LYZL1: variants seen among roughly 807,000 people sequenced by gnomAD.
LYZL1 encodes the protein lysozyme like 1, also known as lysozyme-like protein 1.
Under a neutral mutation model 17.9 loss-of-function variants are expected in LYZL1, and 16 were observed. The ratio of observed to expected loss-of-function variants is 0.90; its 90% confidence interval spans 0.61 to 1.36. The LOEUF (loss-of-function observed/expected upper bound fraction) is 1.36, where lower values mean the gene tolerates loss of function less well. Among genes scored for constraint, LYZL1 ranks in the 40% most tolerant of loss-of-function variants. The pLI, the probability that LYZL1 is intolerant of heterozygous loss-of-function variation, is 0.00. For missense variants in LYZL1, 149 were observed against 188.4 expected (o/e 0.79, Z 1.22); for synonymous variants, 58 against 71.8 (o/e 0.81, Z 0.97).
At chr10:29,299,261 T>C (rs1835485816) in intron 3 of LYZL1, among the ~76,000 whole-genome samples, 1 of 152,202 alleles carries the variant, frequency 6.6e-6, no homozygotes, top group African/African-American at 2.4e-5. Context: ...TGTGACTTGG[T>C]TCCTAACAGA....
chr10:29,289,424 T>C (rs1197794650), intron 1 of LYZL1, among the ~76,000 whole-genome samples, 194 bp downstream of exon 1: 2 of 149,556 alleles, frequency 1.3e-5, no homozygotes, highest in Admixed American at 1.3e-4. Context: ...TTTCTTTTTT[T>C]TTTTTTTTTT....
rs1336153815 is a variant in LYZL1, at chr10:29,306,419, G to A, written c.299-3691G>A. Among the ~76,000 whole-genome samples, 55 of 145,818 alleles carry A rather than the reference G, an allele frequency of 3.8e-4. 2 individuals are homozygous for A. Among genetic ancestry groups the A allele is most frequent in the Admixed American group, 1.2e-3 (18 of 14,664 alleles). ...CAAAAAATTAGCCGGGCGTAGTGGC[G>A]GGCGCCTGTAGTCCCAGCTACTCGG... On this transcript the variant is annotated intron_variant, in intron 3 of 4. Transcript: ENST00000649382.
At chr10:29,313,055 C>T (rs571012410), downstream of LYZL1, among the ~76,000 whole-genome samples, 2 of 152,202 alleles carry the variant, frequency 1.3e-5, no homozygotes, top group East Asian at 1.9e-4. Context: ...TCCTTTCCTG[C>T]CCACCGGCTT....
chr10:29,302,050 A>G (rs1444399209), intron 3 of LYZL1, among the ~76,000 whole-genome samples: 1 of 152,224 alleles, frequency 6.6e-6, no homozygotes, highest in East Asian at 1.9e-4. Context: ...CCTTGACATA[A>G]GTAAGCATGT....
At chr10:29,315,988 C>A (rs1054457978), downstream of LYZL1, among the ~76,000 whole-genome samples, 4 of 152,162 alleles carry the variant, frequency 2.6e-5, no homozygotes, top group Non-Finnish European at 2.9e-5. Context: ...TTGAAGGGTC[C>A]GACTGCTTGA....
At chr10:29,309,502 A>ATT (rs200589364) in intron 3 of LYZL1, among the ~76,000 whole-genome samples, 2 of 151,146 alleles carry the variant, frequency 1.3e-5, no homozygotes, top group African/African-American at 2.4e-5. Flanking sequence ...CTTATGTGCC[A>ATT]TTTTTTTTTC....
At chr10:29,299,123 A>G (rs1835483827) in intron 3 of LYZL1, among the ~76,000 whole-genome samples, 1 of 152,158 alleles carries the variant, frequency 6.6e-6, no homozygotes, top group Admixed American at 6.6e-5. Context: ...TCGCACTCCT[A>G]TGAGAATCTA....
intron 1 of LYZL1, among the ~76,000 whole-genome samples, chr10:29,290,073 G>A (rs1335143646): frequency 6.6e-6 from 1 of 152,110 alleles, no homozygotes; most frequent in Non-Finnish European, 1.5e-5. Context: ...TGGTGCGGTG[G>A]CCTTGCTGAT....
chr10:29,301,644 A>G (rs1182641476), intron 3 of LYZL1, among the ~76,000 whole-genome samples: 1 of 152,120 alleles, frequency 6.6e-6, no homozygotes, highest in African/African-American at 2.4e-5. Flanking sequence ...CAGCAATTTG[A>G]TTATGTGTGA....
chr10:29,315,767 T>C (rs1835722970), downstream of LYZL1, among the ~76,000 whole-genome samples: 2 of 151,634 alleles, frequency 1.3e-5, no homozygotes, highest in African/African-American at 4.9e-5. Context: ...GAGGATCACT[T>C]GAGCCTTGAA....
Position 29,292,098 on chromosome 10 carries a change from A to G in LYZL1, c.139+92A>G, listed in dbSNP as rs74131316. The G allele has an allele frequency of 1.3e-3, 2,007 of 1,526,514 alleles. 21 individuals are homozygous for G. In the African/African-American group the frequency reaches 0.025, roughly 19 times the overall value. 94.6% of individuals were successfully genotyped at this position (1,526,514 alleles called of 1,614,324 possible). A position where few individuals can be genotyped will look rare whatever the true frequency, so the allele number is the denominator to read the frequency against. ...GCCACACTCCCTGCTGTGTCTTCCC[A>G]ACTACCCCTGCTCTGCCCTCACCGC... On this transcript the variant is annotated intron_variant, in intron 2 of 4. Transcript: ENST00000649382.
At chr10:29,309,899 G>C (rs1588664009) in intron 3 of LYZL1, among the ~76,000 whole-genome samples, 1 of 152,148 alleles carries the variant, frequency 6.6e-6, no homozygotes, top group Non-Finnish European at 1.5e-5. Context: ...GAAACATCAG[G>C]TAGTGCAAGA....
chr10:29,289,783 G>A (rs1191370227), intron 1 of LYZL1, among the ~76,000 whole-genome samples: 11 of 152,054 alleles, frequency 7.2e-5, no homozygotes, highest in East Asian at 1.9e-4. Context: ...TGTACACAGC[G>A]GACTGGCATG....
downstream of LYZL1, among the ~76,000 whole-genome samples, chr10:29,314,084 C>G (rs1407582794): frequency 6.6e-6 from 1 of 152,184 alleles, no homozygotes; most frequent in African/African-American, 2.4e-5. Context: ...CATTTCCCCT[C>G]AGGTGTCCTT....
At position 29,292,634 on chromosome 10, in the gene LYZL1, C is replaced by T. The variant is rs756614106; in HGVS notation, c.255C>T (p.Arg85=). The T allele has an allele frequency of 9.9e-6, 16 of 1,614,094 alleles. No individual in the cohort carries two copies. Among genetic ancestry groups the T allele is most frequent in the East Asian group, 4.5e-5 (2 of 44,902 alleles). Residue 85 remains arginine (R), a synonymous_variant, in exon 3 of 5, where the codon CGC becomes CGT. Transcript: ENST00000649382. Reference sequence around the variant, plus strand: ...TCAACAGCTTCGCGTGGTGCAGACGCGGAAAGCTGAAGGAGAACAACCACT... The same window carrying T: ...TCAACAGCTTCGCGTGGTGCAGACGTGGAAAGCTGAAGGAGAACAACCACT... ...FQINSFAWCR[R]GKLKENNHCH...
At chr10:29,298,504 A>G (rs1241004959) in intron 3 of LYZL1, among the ~76,000 whole-genome samples, 1 of 152,226 alleles carries the variant, frequency 6.6e-6, no homozygotes, top group Non-Finnish European at 1.5e-5. Context: ...CTGAGTGCAC[A>G]GAGCATGGTG....
chr10:29,298,927 G>A (rs1835481235), intron 3 of LYZL1, among the ~76,000 whole-genome samples: 1 of 152,108 alleles, frequency 6.6e-6, no homozygotes, highest in South Asian at 2.1e-4. Flanking sequence ...TCATTACATT[G>A]TAATATATAA....
intron 3 of LYZL1, among the ~76,000 whole-genome samples, chr10:29,308,946 C>T (rs561782790): frequency 3.3e-5 from 5 of 152,126 alleles, no homozygotes; most frequent in Non-Finnish European, 7.3e-5. Flanking sequence ...GCCTGGGTGA[C>T]AGAGTGAGAT....
At chr10:29,302,958 G>T (rs1835541622) in intron 3 of LYZL1, among the ~76,000 whole-genome samples, 1 of 152,202 alleles carries the variant, frequency 6.6e-6, no homozygotes, top group Non-Finnish European at 1.5e-5. Flanking sequence ...GGCTAGTTTA[G>T]TCCCACTACC....
Sources: allele counts gnomAD v4.1 joint callset (sites outside exome capture counted in the v4.1 genomes callset), GRCh38; gene constraint gnomAD v4.1.1; transcripts MANE v1.5; gene names NCBI Gene and HGNC (gene_info 2026-07-23, HGNC 2026-07-21).